Variants in ARB2A observed in about 807,000 individuals in gnomAD.
ARB2A encodes the protein cotranscriptional regulator ARB2A.
the ARB2A span, chr5:93,682,849 C>T: frequency 2.9e-6 from 4 of 1,362,634 alleles, no homozygotes; most frequent in South Asian, 4.6e-5. Context: ...AAAGAGACTT[C>T]CTCCACTGCC....
At chr5:93,944,692 C>A in the ARB2A span, among the ~76,000 whole-genome samples, 1 of 150,918 alleles carries the variant, frequency 6.6e-6, no homozygotes, top group South Asian at 2.1e-4. Flanking sequence ...AATGAAAGAA[C>A]AAAAGAACAA....
At chr5:93,914,779 G>A in the ARB2A span, among the ~76,000 whole-genome samples, 4 of 151,800 alleles carry the variant, frequency 2.6e-5, no homozygotes, top group African/African-American at 9.7e-5. Flanking sequence ...CTGAATAACT[G>A]AGGGTTATTA....
chr5:93,677,481 G>A, the ARB2A span, among the ~76,000 whole-genome samples: 1 of 152,176 alleles, frequency 6.6e-6, no homozygotes, highest in Non-Finnish European at 1.5e-5. Context: ...GTGAGCAGGC[G>A]TGCTGCCACA....
the ARB2A span, among the ~76,000 whole-genome samples, chr5:93,763,001 T>A: frequency 4.3e-4 from 65 of 152,266 alleles, no homozygotes; most frequent in African/African-American, 1.5e-3. Flanking sequence ...AAGCAAATGC[T>A]GAGTGATTTT....
At chr5:94,013,867 T>G in the ARB2A span, among the ~76,000 whole-genome samples, 1 of 152,116 alleles carries the variant, frequency 6.6e-6, no homozygotes, top group East Asian at 1.9e-4. Flanking sequence ...AAGAGGTAGA[T>G]AGTAAGAGAA....
chr5:93,789,901 T>A, the ARB2A span, among the ~76,000 whole-genome samples: 1 of 152,200 alleles, frequency 6.6e-6, no homozygotes, highest in African/African-American at 2.4e-5. Flanking sequence ...ATACACACAC[T>A]TCAGTAGATA....
At chr5:93,973,304 C>T in the ARB2A span, among the ~76,000 whole-genome samples, 2 of 151,380 alleles carry the variant, frequency 1.3e-5, no homozygotes, top group Non-Finnish European at 2.9e-5. Context: ...CAGAATACAT[C>T]AAGCAGAAGA....
At chr5:93,641,393 G>T in the ARB2A span, among the ~76,000 whole-genome samples, 1 of 152,098 alleles carries the variant, frequency 6.6e-6, no homozygotes, top group Non-Finnish European at 1.5e-5. Context: ...ATTTCACAGA[G>T]AAAAGTTAAA....
chr5:93,666,671 A>T, the ARB2A span, among the ~76,000 whole-genome samples: 1 of 152,292 alleles, frequency 6.6e-6, no homozygotes, highest in East Asian at 1.9e-4. Context: ...CAATAAAATT[A>T]ATTTGTATTC....
At chr5:93,916,702 T>C in the ARB2A span, among the ~76,000 whole-genome samples, 1 of 152,136 alleles carries the variant, frequency 6.6e-6, no homozygotes, top group Non-Finnish European at 1.5e-5. Flanking sequence ...CTAAACTATG[T>C]ACTTTCCTGA....
chr5:94,019,859 T>C, the ARB2A span, among the ~76,000 whole-genome samples: 1 of 152,192 alleles, frequency 6.6e-6, no homozygotes, highest in Non-Finnish European at 1.5e-5. Flanking sequence ...GTGTAATTAT[T>C]TGAATACACA....
the ARB2A span, among the ~76,000 whole-genome samples, chr5:93,982,169 G>GA: frequency 2.0e-5 from 3 of 151,904 alleles, no homozygotes; most frequent in African/African-American, 4.8e-5. Flanking sequence ...GAGGAAGGCA[G>GA]AAAAAAAATC....
chr5:94,068,274 G>A, the ARB2A span, among the ~76,000 whole-genome samples: 1 of 152,252 alleles, frequency 6.6e-6, no homozygotes, highest in African/African-American at 2.4e-5. Flanking sequence ...TAGCCATGCA[G>A]GAACAATGGC....
the ARB2A span, among the ~76,000 whole-genome samples, chr5:93,780,480 T>C: frequency 1.3e-5 from 2 of 152,264 alleles, no homozygotes; most frequent in East Asian, 1.9e-4. Flanking sequence ...CTTGGAGTAA[T>C]TGCTCAAAGT....
chr5:94,054,417 A>G, the ARB2A span, among the ~76,000 whole-genome samples: 1 of 152,088 alleles, frequency 6.6e-6, no homozygotes. Context: ...TATTTTATAG[A>G]ATGACCCTCA....
the ARB2A span, among the ~76,000 whole-genome samples, chr5:94,005,034 G>GAAAAAAAAAAAAA: frequency 1.5e-5 from 1 of 66,274 alleles, no homozygotes; most frequent in African/African-American, 5.7e-5. Context: ...AAAGAGAGAG[G>GAAAAAAAAAAAAA]ACACAAAAAT....
the ARB2A span, among the ~76,000 whole-genome samples, chr5:93,936,855 G>A: frequency 6.6e-6 from 1 of 151,716 alleles, no homozygotes; most frequent in Non-Finnish European, 1.5e-5. Flanking sequence ...AGTGATCACT[G>A]GTTGTTGTGT....
chr5:94,041,967 A>G, the ARB2A span, among the ~76,000 whole-genome samples: 2 of 152,220 alleles, frequency 1.3e-5, no homozygotes. Context: ...AAGAGTTAAC[A>G]GTGTAACATG....
At chr5:93,945,241 G>A in the ARB2A span, among the ~76,000 whole-genome samples, 8 of 152,122 alleles carry the variant, frequency 5.3e-5, no homozygotes, top group East Asian at 1.9e-4. Context: ...TCAGGAGTTC[G>A]AGATCAGCCT....
Sources: allele counts gnomAD v4.1 joint callset (sites outside exome capture counted in the v4.1 genomes callset), GRCh38; gene constraint gnomAD v4.1.1; transcripts MANE v1.5; gene names NCBI Gene and HGNC (gene_info 2026-07-23, HGNC 2026-07-21).